The following ADGRB3 variants were observed in gnomAD, a reference collection of about 807,000 sequenced individuals.
ADGRB3 encodes the protein brain-specific angiogenesis inhibitor 3.
A neutral mutation model predicts 193.4 loss-of-function variants in ADGRB3; 37 were observed. The ratio of observed to expected loss-of-function variants is 0.19; its 90% CI spans 0.15 to 0.25. ADGRB3 has a LOEUF of 0.25. Among genes scored for constraint, ADGRB3 ranks in the 10% least tolerant of loss-of-function variants. The pLI, the probability that ADGRB3 is intolerant of heterozygous loss-of-function variation, is 1.00. For synonymous variants in ADGRB3, 690 were observed against 644.2 expected (o/e 1.07, Z -1.08); for missense variants, 1,637 against 1,852.9 (o/e 0.88, Z 2.14).
At chr6:69,215,212 A>T (rs552868345) in intron 17 of ADGRB3, among the ~76,000 whole-genome samples, 1 of 152,228 alleles carries the variant, frequency 6.6e-6, no homozygotes, top group Non-Finnish European at 1.5e-5. Flanking sequence ...GAAGGTTTAA[A>T]GATTAGTTAA....
intron 17 of ADGRB3, among the ~76,000 whole-genome samples, chr6:69,180,445 G>A (rs1042726474): frequency 5.3e-5 from 8 of 152,146 alleles, no homozygotes; most frequent in African/African-American, 1.4e-4. Flanking sequence ...GAGTGAAGAC[G>A]TCTTCACTGT....
intron 3 of ADGRB3, among the ~76,000 whole-genome samples, chr6:68,645,699 T>G (rs1175910170): frequency 6.6e-6 from 1 of 152,034 alleles, no homozygotes; most frequent in East Asian, 1.9e-4. Context: ...TGAGACGGAG[T>G]TGCATTCTTG....
At chr6:68,901,149 C>T (rs1766383162) in intron 3 of ADGRB3, among the ~76,000 whole-genome samples, 1 of 151,956 alleles carries the variant, frequency 6.6e-6, no homozygotes, top group African/African-American at 2.4e-5. Flanking sequence ...AAGTAAAGTT[C>T]CTAACTTAGC....
intron 3 of ADGRB3, among the ~76,000 whole-genome samples, chr6:68,757,187 C>CT (rs1237043561): frequency 6.6e-6 from 1 of 152,074 alleles, no homozygotes; most frequent in Non-Finnish European, 1.5e-5. Flanking sequence ...TGAGCATAAG[C>CT]TTTTTTGACC....
intron 17 of ADGRB3, among the ~76,000 whole-genome samples, chr6:69,116,767 A>T (rs1336476804): frequency 6.6e-6 from 1 of 152,252 alleles, no homozygotes; most frequent in African/African-American, 2.4e-5. Flanking sequence ...CAAACCCATT[A>T]TCCTTGGGCA....
intron 13 of ADGRB3, among the ~76,000 whole-genome samples, chr6:69,044,213 C>CAATT (rs1771170693): frequency 6.6e-6 from 1 of 152,092 alleles, no homozygotes; most frequent in Non-Finnish European, 1.5e-5. Context: ...GGTCTTTGTC[C>CAATT]AATTTGCTCA....
chr6:68,639,686 A>G (rs538258403), intron 3 of ADGRB3, among the ~76,000 whole-genome samples: 1 of 152,284 alleles, frequency 6.6e-6, no homozygotes, highest in Non-Finnish European at 1.5e-5. Flanking sequence ...AGAAAGATGC[A>G]GAAACCTAGA....
chr6:69,007,085 T>G (rs1196824908), intron 11 of ADGRB3, among the ~76,000 whole-genome samples: 2 of 152,144 alleles, frequency 1.3e-5, no homozygotes, highest in African/African-American at 4.8e-5. Flanking sequence ...TCACTTTCTT[T>G]TCTCAACACT....
chr6:69,257,825 T>C (rs939748231), intron 20 of ADGRB3, among the ~76,000 whole-genome samples: 1 of 152,208 alleles, frequency 6.6e-6, no homozygotes, highest in African/African-American at 2.4e-5. Flanking sequence ...TTGGTGATAA[T>C]AGATCTTAGC....
At chr6:69,249,887 C>G (rs1019003180) in intron 20 of ADGRB3, among the ~76,000 whole-genome samples, 3 of 152,120 alleles carry the variant, frequency 2.0e-5, no homozygotes, top group African/African-American at 7.2e-5. Context: ...TGGGTCTTGA[C>G]TATGAAATTT....
intron 13 of ADGRB3, among the ~76,000 whole-genome samples, chr6:69,022,390 G>GT (rs1770295906): frequency 6.6e-6 from 1 of 151,678 alleles, no homozygotes; most frequent in African/African-American, 2.4e-5. Flanking sequence ...TTTTTAAAAA[G>GT]TTATTTTTTC....
chr6:69,038,999 A>G (rs1315662315), intron 13 of ADGRB3, among the ~76,000 whole-genome samples: 1 of 152,158 alleles, frequency 6.6e-6, no homozygotes, highest in Non-Finnish European at 1.5e-5. Context: ...ATCTCACTCT[A>G]TCCTGCCCCA....
At chr6:68,923,856 T>G (rs1440959708) in intron 3 of ADGRB3, among the ~76,000 whole-genome samples, 18 of 152,074 alleles carry the variant, frequency 1.2e-4, no homozygotes, top group Admixed American at 1.2e-3. Context: ...GACAATTCAG[T>G]TTACTTTCTT....
Position 69,226,886 on chromosome 6 carries a change from G to C in ADGRB3, c.2481-6404G>C, listed in dbSNP as rs540239300. ...AAAGCACTTCAAGATGATAAGAGTG[G>C]ACACCATTAAGACCTCTTGAGGCTT... On this transcript the variant is annotated intron_variant, in intron 17 of 31. Coordinates refer to ENST00000370598, the MANE Select transcript of ADGRB3 (RefSeq NM_001704.3). 3.3e-5 allele frequency among the ~76,000 whole-genome samples: 5 copies of C among 152,280 alleles called. No homozygotes were observed. The South Asian group carries it at 1.0e-3, about 32-fold the overall frequency.
chr6:68,847,749 A>G (rs529439266), intron 3 of ADGRB3, among the ~76,000 whole-genome samples: 57 of 152,314 alleles, frequency 3.7e-4, no homozygotes, highest in African/African-American at 1.3e-3. Flanking sequence ...CTGTTAAAGA[A>G]TAAAGTTATG....
At chr6:69,039,252 GAAA>G (rs34473584) in intron 13 of ADGRB3, among the ~76,000 whole-genome samples, 2 of 135,678 alleles carry the variant, frequency 1.5e-5, no homozygotes, top group Non-Finnish European at 3.3e-5. Context: ...AATAAGGAAA[GAAA>G]AAAAAAAAAA....
intron 21 of ADGRB3, among the ~76,000 whole-genome samples, chr6:69,326,769 C>A (rs1768580863): frequency 6.7e-6 from 1 of 150,032 alleles, no homozygotes. Flanking sequence ...CAACAAATGA[C>A]ATGTGTGGAG....
intron 20 of ADGRB3, among the ~76,000 whole-genome samples, chr6:69,280,460 A>G (rs1458795091): frequency 6.6e-6 from 1 of 152,124 alleles, no homozygotes; most frequent in Admixed American, 6.6e-5. Flanking sequence ...TGGCTCCATC[A>G]TTTCTTATCT....
chr6:68,917,573 A>ATTAGTTATTGAGTT (rs1766918596), intron 3 of ADGRB3, among the ~76,000 whole-genome samples: 3 of 152,158 alleles, frequency 2.0e-5, no homozygotes, highest in Admixed American at 2.0e-4. Context: ...TTAGGGTACT[A>ATTAGTTATTGAGTT]ATAACTCAAT....
Sources: gnomAD v4.1 joint callset for allele counts (sites outside exome capture counted in the v4.1 genomes callset) on GRCh38, gnomAD v4.1.1 for gene constraint, MANE v1.5 for transcripts, NCBI Gene and HGNC (gene_info 2026-07-23, HGNC 2026-07-21) for gene names.